The following GOLGA5 variants were observed in gnomAD, a reference collection of about 807,000 sequenced individuals.
The protein encoded by GOLGA5 is golgin A5.
Under a neutral mutation model 93.5 loss-of-function variants are expected in GOLGA5, and 50 were observed. The ratio of observed to expected loss-of-function variants is 0.53; its 90% CI spans 0.43 to 0.68. GOLGA5 has a LOEUF of 0.68. Among genes scored for constraint, GOLGA5 ranks in the 30% least tolerant of loss-of-function variants. The pLI is 0.00. For synonymous variants in GOLGA5, 312 were observed against 304.5 expected (o/e 1.02, Z -0.26); for missense variants, 760 against 856.4 (o/e 0.89, Z 1.40).
intron 2 of GOLGA5, among the ~76,000 whole-genome samples, chr14:92,803,650 G>C (rs879814853): frequency 3.9e-5 from 6 of 151,976 alleles, no homozygotes; most frequent in Non-Finnish European, 8.8e-5. Context: ...CATTTTGAGG[G>C]GTTATACTTA....
intron 2 of GOLGA5, among the ~76,000 whole-genome samples, 199 bp downstream of exon 2, chr14:92,798,180 A>G (rs1341530909): frequency 2.6e-5 from 4 of 152,212 alleles, no homozygotes; most frequent in Non-Finnish European, 5.9e-5. Flanking sequence ...CAGGGACTTC[A>G]TGTTGTCTGG....
intron 2 of GOLGA5, 46 bp from the exon 3 acceptor site, chr14:92,806,690 G>A: frequency 7.9e-7 from 1 of 1,273,074 alleles, no homozygotes; most frequent in Non-Finnish European, 1.1e-6. Context: ...TAATGCATAT[G>A]TGATGAACAC....
intron 2 of GOLGA5, among the ~76,000 whole-genome samples, chr14:92,798,858 G>C (rs1884797484): frequency 6.6e-6 from 1 of 152,228 alleles, no homozygotes; most frequent in Admixed American, 6.5e-5. Flanking sequence ...CGAGGTTGCA[G>C]TGAGCCGAGA....
intron 10 of GOLGA5, among the ~76,000 whole-genome samples, chr14:92,834,583 T>A (rs1166255823): frequency 6.6e-6 from 1 of 152,202 alleles, no homozygotes; most frequent in Non-Finnish European, 1.5e-5. Context: ...GTTCCTGGCA[T>A]ATTTCAGGAA....
At chr14:92,817,344 A>G (rs2402199) in intron 7 of GOLGA5, among the ~76,000 whole-genome samples, 122,870 of 152,204 alleles carry the variant, frequency 0.81, 50,131 homozygotes, top group African/African-American at 0.91. Flanking sequence ...TAGGTTTGGA[A>G]TTAGAACAGG....
intron 8 of GOLGA5, among the ~76,000 whole-genome samples, chr14:92,823,421 C>CTT (rs35108001): frequency 0.022 from 3,177 of 146,460 alleles, 85 homozygotes; most frequent in South Asian, 0.083. Flanking sequence ...TTTTTCTTTT[C>CTT]TTTTTTTTTT....
chr14:92,806,392 A>T (rs535999175), intron 2 of GOLGA5, among the ~76,000 whole-genome samples: 2 of 152,124 alleles, frequency 1.3e-5, no homozygotes, highest in Non-Finnish European at 2.9e-5. Flanking sequence ...TCACTGCAAC[A>T]CCTTTGGCCT....
chr14:92,811,811 A>G, intron 6 of GOLGA5, 57 bp downstream of exon 6: 10 of 1,223,858 alleles, frequency 8.2e-6, no homozygotes, highest in East Asian at 4.6e-5. Context: ...CTGAAAGGCA[A>G]TTTGAGACTG....
intron 9 of GOLGA5, among the ~76,000 whole-genome samples, chr14:92,827,540 A>G (rs908848762): frequency 7.2e-5 from 11 of 152,180 alleles, no homozygotes; most frequent in African/African-American, 2.7e-4. Context: ...AGTCTTTAAG[A>G]CACAGCAATA....
rs535983173 is a variant in GOLGA5 at position 92,801,012 on chromosome 14, G to A, written c.544+3031G>A. 9.8e-5 allele frequency among the ~76,000 whole-genome samples: 15 copies of A among 152,300 alleles called. No homozygotes were observed. The South Asian group carries it at 2.1e-3, about 21-fold the overall frequency. ...AGTGTGGGAAGCCCTCCTGTTCTTT[G>A]TAGGATGTTTAGCAGCATCTCTGGC... On this transcript the variant is annotated intron_variant, in intron 2 of 12. Transcript: ENST00000163416.
chr14:92,819,867 C>G, intron 8 of GOLGA5, 31 bp downstream of exon 8: 1 of 1,608,880 alleles, frequency 6.2e-7, no homozygotes, highest in Non-Finnish European at 8.5e-7. Flanking sequence ...ACTTCTGAGA[C>G]TCTGTCCTCT....
At chr14:92,810,148 A>T in intron 4 of GOLGA5, 106 bp from the exon 5 acceptor site, 1 of 739,952 alleles carries the variant, frequency 1.4e-6, no homozygotes, top group Non-Finnish European at 2.2e-6. Flanking sequence ...TTTCAGTCAA[A>T]TTATCTTTTT....
chr14:92,816,088 C>T (rs1367962836), intron 6 of GOLGA5, among the ~76,000 whole-genome samples, 163 bp from the exon 7 acceptor site: 1 of 152,162 alleles, frequency 6.6e-6, no homozygotes, highest in Admixed American at 6.5e-5. Context: ...TACAGCAAGG[C>T]TCTGTTGTGT....
intron 2 of GOLGA5, among the ~76,000 whole-genome samples, chr14:92,804,630 A>G (rs1393320061): frequency 6.8e-6 from 1 of 147,084 alleles, no homozygotes; most frequent in Non-Finnish European, 1.5e-5. Context: ...CACCATTATC[A>G]CCTTAAAAAT....
chr14:92,799,610 TA>T (rs1334368951), intron 2 of GOLGA5, among the ~76,000 whole-genome samples: 2 of 144,940 alleles, frequency 1.4e-5, no homozygotes, highest in African/African-American at 5.2e-5. Context: ...TTTATTTATT[TA>T]TTTATTTTTT....
At chr14:92,837,505 T>TG (rs113573267) in intron 12 of GOLGA5, 56 bp downstream of exon 12, 562,828 of 790,268 alleles carry the variant, frequency 0.71, 203,938 homozygotes, top group African/African-American at 0.85. Flanking sequence ...CTAGTTTTTT[T>TG]TTTTGTTTGT....
chr14:92,834,369 C>T (rs943922888), intron 10 of GOLGA5, among the ~76,000 whole-genome samples: 46 of 151,660 alleles, frequency 3.0e-4, no homozygotes, highest in Admixed American at 4.6e-4. Context: ...CCCAGCCCCA[C>T]AACAGTCCCC....
rs140591263 is a variant in GOLGA5, at chr14:92,816,191, G to A, written c.1321-60G>A. On this transcript the variant is annotated intron_variant, in intron 6 of 12. Coordinates refer to ENST00000163416, the MANE Select transcript of GOLGA5 (RefSeq NM_005113.4). ...GTGGGTTATTTTCTGTATAGTAGAT[G>A]ATATTCAATATACAAACTAATCTCT... 1,022 of 1,092,422 alleles carry A rather than the reference G, an allele frequency of 9.4e-4. 1 individual carries two copies. In the African/African-American group the frequency reaches 0.011, roughly 11 times the overall value. The allele number at this position is 1,092,422 out of a possible 1,614,324, so 67.7% of individuals were successfully genotyped here.
chr14:92,820,667 G>A (rs1885299512), intron 8 of GOLGA5, among the ~76,000 whole-genome samples: 1 of 152,210 alleles, frequency 6.6e-6, no homozygotes, highest in African/African-American at 2.4e-5. Flanking sequence ...TTCCAGGGCA[G>A]AGGTCCCTGC....
Sources: gnomAD v4.1 joint callset for allele counts (sites outside exome capture counted in the v4.1 genomes callset) on GRCh38, gnomAD v4.1.1 for gene constraint, MANE v1.5 for transcripts, NCBI Gene and HGNC (gene_info 2026-07-23, HGNC 2026-07-21) for gene names.